The following CELF2 variants were observed in gnomAD, a reference collection of about 807,000 sequenced individuals.
CELF2 encodes the protein CUG triplet repeat RNA-binding protein 2.
A neutral mutation model predicts 62.6 loss-of-function variants in CELF2; 8 were observed. The ratio of observed to expected loss-of-function variants is 0.13; its 90% CI spans 0.07 to 0.23. The LOEUF (loss-of-function observed/expected upper bound fraction) is 0.23. Ranked by LOEUF, CELF2 falls within the 10% of genes least tolerant of loss-of-function variation. CELF2 has a pLI of 1.00. For synonymous variants in CELF2, 258 were observed against 250.0 expected, an observed-to-expected ratio of 1.03 and a Z score of -0.30; for missense variants, 333 against 671.0, an observed-to-expected ratio of 0.50 and a Z score of 5.56.
intron 1 of CELF2, among the ~76,000 whole-genome samples, chr10:10,804,619 C>T (rs557692589): frequency 1.3e-5 from 2 of 152,228 alleles, no homozygotes; most frequent in Non-Finnish European, 2.9e-5. Flanking sequence ...TTTACTGCAT[C>T]CCTTAAATGT....
chr10:10,661,022 T>G, the CELF2 span, among the ~76,000 whole-genome samples: 1 of 152,214 alleles, frequency 6.6e-6, no homozygotes, highest in African/African-American at 2.4e-5. Flanking sequence ...AAAGATTTTT[T>G]TTTACATCTG....
chr10:10,981,872 G>T (rs1471594742), intron 2 of CELF2, among the ~76,000 whole-genome samples: 1 of 151,734 alleles, frequency 6.6e-6, no homozygotes, highest in Non-Finnish European at 1.5e-5. Context: ...ACACAGTCAG[G>T]ATATAAAGCC....
chr10:10,658,661 G>T, the CELF2 span, among the ~76,000 whole-genome samples: 1 of 152,262 alleles, frequency 6.6e-6, no homozygotes, highest in East Asian at 1.9e-4. Context: ...ATACAGAAAG[G>T]CATCTTCAGG....
intron 1 of CELF2, among the ~76,000 whole-genome samples, chr10:11,119,863 C>CT (rs1564820007): frequency 1.1e-4 from 11 of 100,656 alleles, no homozygotes; most frequent in Non-Finnish European, 6.0e-5. Flanking sequence ...TTGATTCCGC[C>CT]TCCCCCCCCC....
At chr10:11,141,806 AAAC>A (rs2061395308) in intron 1 of CELF2, among the ~76,000 whole-genome samples, 2 of 152,258 alleles carry the variant, frequency 1.3e-5, no homozygotes, top group Admixed American at 1.3e-4. Context: ...GGAAAGATAA[AAAC>A]ATAATGTATG....
chr10:10,661,603 T>C, the CELF2 span, among the ~76,000 whole-genome samples: 2 of 152,244 alleles, frequency 1.3e-5, no homozygotes, highest in Admixed American at 6.5e-5. Flanking sequence ...AAATGAGGTA[T>C]ATTCCTTTAA....
At chr10:11,288,622 A>G (rs1308519782) in intron 9 of CELF2, 70 bp downstream of exon 9, 2 of 1,566,264 alleles carry the variant, frequency 1.3e-6, no homozygotes, top group Non-Finnish European at 1.7e-6. Flanking sequence ...CCGTGCCTCC[A>G]GGTGCGAGGG....
chr10:10,916,614 G>A (rs1028581929), intron 1 of CELF2, among the ~76,000 whole-genome samples: 1 of 152,038 alleles, frequency 6.6e-6, no homozygotes, highest in African/African-American at 2.4e-5. Context: ...AATTTCTTTT[G>A]TTGTTGTTGT....
chr10:10,607,023 A>G, the CELF2 span, among the ~76,000 whole-genome samples: 1 of 152,320 alleles, frequency 6.6e-6, no homozygotes, highest in Non-Finnish European at 1.5e-5. Context: ...AAAGAAAAAT[A>G]TTGCTGAGAC....
intron 2 of CELF2, among the ~76,000 whole-genome samples, chr10:11,201,212 C>G (rs530428541): frequency 2.6e-5 from 4 of 152,310 alleles, no homozygotes; most frequent in Admixed American, 2.0e-4. Context: ...GTTACTGTTT[C>G]ACCTGTATTT....
upstream of CELF2, among the ~76,000 whole-genome samples, chr10:10,794,356 G>GA (rs548475225): frequency 1.3e-5 from 2 of 151,296 alleles, no homozygotes; most frequent in South Asian, 2.1e-4. Flanking sequence ...AATAAGAAGA[G>GA]AAAAAAAACT....
At chr10:10,547,764 C>G in the CELF2 span, among the ~76,000 whole-genome samples, 1 of 149,928 alleles carries the variant, frequency 6.7e-6, no homozygotes, top group Non-Finnish European at 1.5e-5. Context: ...GTCCATTTTT[C>G]TGAAGACTTG....
Position 11,149,558 on chromosome 10 carries a change from A to G in CELF2, c.75-15928A>G, listed in dbSNP as rs115770741. Among the ~76,000 whole-genome samples the G allele has an allele frequency of 3.5e-3, 533 of 152,308 alleles. 3 individuals are homozygous for G. Among genetic ancestry groups the G allele is most frequent in the African/African-American group, 0.012 (485 of 41,558 alleles). On this transcript the variant is annotated intron_variant, in intron 1 of 12. Coordinates refer to ENST00000633077, the MANE Select transcript of CELF2 (RefSeq NM_001326342.2). ...GAGGTGGGATTTCCAGAAGCAGTGT[A>G]CTAAGTAAACCCGAGGCTTTGCGCC... is the stretch of plus-strand genomic sequence containing the variant.
chr10:11,110,273 T>TAA lies in CELF2; in HGVS notation c.75-55203_75-55202dup, dbSNP rs561974036. The stretch of plus-strand genomic sequence containing the variant: ...TGGGCGACAGAGCAAGACCATGTCT[T>TAA]AAAAAAAAAAATCTGCTTTTTGTTC... On this transcript the variant is annotated intron_variant, in intron 1 of 12. Coordinates refer to ENST00000633077, the MANE Select transcript of CELF2 (RefSeq NM_001326342.2). The surrounding 1 kb of genome is among the most constrained non-coding windows in gnomAD (Gnocchi z 4.0). 1.3e-5 allele frequency among the ~76,000 whole-genome samples: 2 copies of TAA among 148,434 alleles called. No homozygotes were observed. The highest frequency in any genetic ancestry group is 1.3e-4 in the Admixed American group (2 of 14,920).
the CELF2 span, among the ~76,000 whole-genome samples, chr10:10,530,673 A>C: frequency 3.3e-5 from 5 of 152,176 alleles, no homozygotes; most frequent in Admixed American, 1.3e-4. Context: ...AATTATTCTG[A>C]GTTAACATAA....
At chr10:11,147,679 C>T (rs1596154301) in intron 1 of CELF2, among the ~76,000 whole-genome samples, 1 of 152,268 alleles carries the variant, frequency 6.6e-6, no homozygotes, top group East Asian at 1.9e-4. Context: ...CAAGTGGATT[C>T]CTCTTGTATT....
At chr10:11,160,754 T>A (rs192743803) in intron 1 of CELF2, among the ~76,000 whole-genome samples, 279 of 152,338 alleles carry the variant, frequency 1.8e-3, no homozygotes, top group African/African-American at 6.4e-3. Context: ...TTTTTGTGTG[T>A]GCTTTTTTAT....
At chr10:10,786,953 G>A in the CELF2 span, among the ~76,000 whole-genome samples, 2 of 150,504 alleles carry the variant, frequency 1.3e-5, no homozygotes, top group Non-Finnish European at 3.0e-5. Flanking sequence ...CAGGGCAGCT[G>A]GTCATATCCC....
At chr10:10,823,963 G>A (rs2057177211) in intron 1 of CELF2, among the ~76,000 whole-genome samples, 1 of 151,938 alleles carries the variant, frequency 6.6e-6, no homozygotes, top group South Asian at 2.1e-4. Context: ...GATAGATCTA[G>A]CAGATGATAG....
Sources: gnomAD v4.1 joint callset for allele counts (sites outside exome capture counted in the v4.1 genomes callset) on GRCh38, gnomAD v4.1.1 for gene constraint, Gnocchi (gnomAD v3.1) non-coding constraint, MANE v1.5 for transcripts, NCBI Gene and HGNC (gene_info 2026-07-23, HGNC 2026-07-21) for gene names.